GALNTL6: variants seen among roughly 807,000 people sequenced by gnomAD.
The protein encoded by GALNTL6 is polypeptide N-acetylgalactosaminyltransferase-like 6.
GALNTL6 carries 46 observed loss-of-function variants against 73.7 expected under a neutral mutation model. The ratio of observed to expected loss-of-function variants is 0.62; its 90% confidence interval spans 0.49 to 0.80. The LOEUF is 0.80. Ranked by LOEUF, GALNTL6 falls within the 30% of genes least tolerant of loss-of-function variation. The pLI is 0.00. For missense variants in GALNTL6, 604 were observed against 755.0 expected (o/e 0.80, Z 2.34); for synonymous variants, 259 against 263.7 (o/e 0.98, Z 0.17).
chr4:172,623,728 T>G (rs1187661585), intron 5 of GALNTL6, among the ~76,000 whole-genome samples: 1 of 151,806 alleles, frequency 6.6e-6, no homozygotes, highest in East Asian at 2.0e-4. Flanking sequence ...CAAGACACTA[T>G]CTTCCAGTCT....
In GALNTL6 at chr4:173,040,632, T is replaced by C. The variant is rs1173541638; in HGVS notation, c.*532T>C. ...GATGATTTCAGAGTGCTCACACTAT[T>C]CTGTTTTTTTTATTTTTATTTTTAA... On this transcript the variant is annotated 3_prime_UTR_variant, in exon 13 of 13. Transcript: ENST00000506823. The C allele has an allele frequency of 6.6e-6, 1 of 152,580 alleles. No individual in the cohort carries two copies. 9.5% of individuals were successfully genotyped at this position (152,580 alleles called of 1,614,324 possible).
intron 3 of GALNTL6, among the ~76,000 whole-genome samples, chr4:172,234,608 G>A (rs1173602538): frequency 6.6e-6 from 1 of 151,958 alleles, no homozygotes; most frequent in Non-Finnish European, 1.5e-5. Context: ...CTGTTATTGG[G>A]TAAATTATAT....
At position 172,322,532 on chromosome 4, in the gene GALNTL6, G is replaced by C. The variant is rs116078739; in HGVS notation, c.386+10780G>C. On this transcript the variant is annotated intron_variant, in intron 4 of 12. Coordinates refer to ENST00000506823, the MANE Select transcript of GALNTL6 (RefSeq NM_001034845.3). The stretch of plus-strand genomic sequence containing the variant: ...AGAAAAAAGTTTTAATTGCCTCATG[G>C]TTCTGCAGGCTGTACAGGAAGCATG... Among the ~76,000 whole-genome samples, 1,267 of 152,242 alleles carry C rather than the reference G, an allele frequency of 8.3e-3. 13 individuals are homozygous for C. Among genetic ancestry groups the C allele is most frequent in the Non-Finnish European group, 0.014 (981 of 68,016 alleles).
At chr4:172,615,982 T>C (rs1280218294) in intron 5 of GALNTL6, among the ~76,000 whole-genome samples, 1 of 152,218 alleles carries the variant, frequency 6.6e-6, no homozygotes, top group Non-Finnish European at 1.5e-5. Context: ...GTTGTGATAA[T>C]GCGAAAAGAG....
chr4:172,032,271 T>C (rs1427158190), intron 2 of GALNTL6, among the ~76,000 whole-genome samples: 2 of 152,112 alleles, frequency 1.3e-5, no homozygotes, highest in Non-Finnish European at 2.9e-5. Context: ...TTCTCATTTA[T>C]AATTTGAAAG....
At chr4:172,684,519 A>T (rs1732808858) in intron 5 of GALNTL6, among the ~76,000 whole-genome samples, 1 of 152,220 alleles carries the variant, frequency 6.6e-6, no homozygotes, top group Admixed American at 6.5e-5. Flanking sequence ...AAAGTATATG[A>T]TTAAATGCTA....
At chr4:172,822,537 T>C (rs971998432) in intron 7 of GALNTL6, among the ~76,000 whole-genome samples, 1 of 152,136 alleles carries the variant, frequency 6.6e-6, no homozygotes, top group Non-Finnish European at 1.5e-5. Flanking sequence ...CTGTGTTTCT[T>C]TGGTAACATC....
chr4:172,824,986 A>C (rs1425363890), intron 7 of GALNTL6, among the ~76,000 whole-genome samples: 2 of 151,746 alleles, frequency 1.3e-5, no homozygotes, highest in African/African-American at 4.8e-5. Context: ...TGACAAGATC[A>C]TCACTCCCGC....
At chr4:172,078,756 G>C (rs563190476) in intron 2 of GALNTL6, among the ~76,000 whole-genome samples, 3 of 151,952 alleles carry the variant, frequency 2.0e-5, no homozygotes, top group Non-Finnish European at 2.9e-5. Flanking sequence ...GAGGGAAAAG[G>C]GTGTATTCGT....
At chr4:172,922,167 C>A (rs112227487) in intron 8 of GALNTL6, among the ~76,000 whole-genome samples, 4 of 152,016 alleles carry the variant, frequency 2.6e-5, no homozygotes, top group Admixed American at 1.3e-4. Flanking sequence ...CGTGTAAGAA[C>A]TGCCTTTCAC....
intron 8 of GALNTL6, among the ~76,000 whole-genome samples, chr4:172,917,076 C>T (rs1382492914): frequency 2.0e-5 from 3 of 152,074 alleles, no homozygotes; most frequent in Non-Finnish European, 4.4e-5. Flanking sequence ...TGGAACAGAG[C>T]CCTCAGAAAT....
At chr4:171,851,831 A>C (rs1735531323) in intron 2 of GALNTL6, among the ~76,000 whole-genome samples, 1 of 152,184 alleles carries the variant, frequency 6.6e-6, no homozygotes, top group African/African-American at 2.4e-5. Flanking sequence ...CTCAAACATA[A>C]ATATTTCAAA....
intron 2 of GALNTL6, among the ~76,000 whole-genome samples, chr4:171,974,942 G>T (rs1256711984): frequency 2.0e-5 from 3 of 152,086 alleles, no homozygotes; most frequent in Non-Finnish European, 4.4e-5. Flanking sequence ...GTCTCTCACG[G>T]CAAGGTTGGC....
At chr4:172,999,273 G>C (rs1751934564) in intron 10 of GALNTL6, among the ~76,000 whole-genome samples, 1 of 152,102 alleles carries the variant, frequency 6.6e-6, no homozygotes, top group Non-Finnish European at 1.5e-5. Flanking sequence ...CTCCTGCGAG[G>C]GCTGCTCTCT....
At chr4:172,195,798 G>A (rs926832243) in intron 2 of GALNTL6, among the ~76,000 whole-genome samples, 1 of 152,028 alleles carries the variant, frequency 6.6e-6, no homozygotes, top group African/African-American at 2.4e-5. Context: ...AGTGTTAAGA[G>A]GAAAATTTAT....
intron 2 of GALNTL6, among the ~76,000 whole-genome samples, chr4:171,879,541 G>A (rs543145704): frequency 1.3e-5 from 2 of 152,120 alleles, no homozygotes; most frequent in African/African-American, 4.8e-5. Flanking sequence ...ATAAACTCAA[G>A]TTATTATTTT....
At chr4:172,062,565 C>T (rs1194297158) in intron 2 of GALNTL6, among the ~76,000 whole-genome samples, 1 of 152,174 alleles carries the variant, frequency 6.6e-6, no homozygotes, top group African/African-American at 2.4e-5. Context: ...GAAGGTTGGT[C>T]GTGAATTAAA....
chr4:171,957,203 T>A (rs1739077199), intron 2 of GALNTL6, among the ~76,000 whole-genome samples: 1 of 152,220 alleles, frequency 6.6e-6, no homozygotes, highest in South Asian at 2.1e-4. Flanking sequence ...CTTAGTGTAG[T>A]GACAGATATG....
In GALNTL6 at chr4:172,305,323, A is replaced by G. The variant is rs748942030; in HGVS notation, c.248-6291A>G. Among the ~76,000 whole-genome samples the G allele has an allele frequency of 8.5e-5, 13 of 152,180 alleles. No individual in the cohort carries two copies. The South Asian group carries it at 1.2e-3, about 15-fold the overall frequency. On this transcript the variant is annotated intron_variant, in intron 3 of 12. Transcript: ENST00000506823. ...TCAAAGACATATTTGTAAGACAGCAATTTTTCTGCTTAATACTTATATATT... is the reference window on the plus strand; with the variant it reads ...TCAAAGACATATTTGTAAGACAGCAGTTTTTCTGCTTAATACTTATATATT...
Sources: gnomAD v4.1 joint callset for allele counts (sites outside exome capture counted in the v4.1 genomes callset) on GRCh38, gnomAD v4.1.1 for gene constraint, MANE v1.5 for transcripts, NCBI Gene and HGNC (gene_info 2026-07-23, HGNC 2026-07-21) for gene names.